CREBBP: variants seen among roughly 807,000 people sequenced by gnomAD.
CREBBP encodes CREB binding lysine acetyltransferase.
In CREBBP, 19 loss-of-function variants were observed where a neutral mutation model predicts 265.0. The ratio of observed to expected loss-of-function variants is 0.07; its 90% CI spans 0.05 to 0.11. CREBBP has a LOEUF of 0.11. Ranked by LOEUF, CREBBP falls within the 10% of genes least tolerant of loss-of-function variation. The probability of loss-of-function intolerance (pLI) is 1.00; values close to 1 mark genes in which losing one functional copy is unlikely to be tolerated. For synonymous variants in CREBBP, 1,457 were observed against 1,223.7 expected, an observed-to-expected ratio of 1.19 and a Z score of -3.98; for missense variants, 2,525 against 3,219.0, an observed-to-expected ratio of 0.78 and a Z score of 5.22.
intron 3 of CREBBP, among the ~76,000 whole-genome samples, chr16:3,810,248 G>C (rs991264231): frequency 8.5e-5 from 13 of 152,138 alleles, no homozygotes; most frequent in Non-Finnish European, 1.3e-4. Flanking sequence ...AAATCAATGG[G>C]CTTCTACTGA....
chr16:3,736,917 G>A (rs956060917), intron 26 of CREBBP, 102 bp from the exon 27 acceptor site: 1 of 1,402,052 alleles, frequency 7.1e-7, no homozygotes, highest in East Asian at 2.3e-5. Context: ...CAGGACAGAA[G>A]TAACCAGAGA....
At chr16:3,761,076 T>G (rs936650378) in intron 16 of CREBBP, among the ~76,000 whole-genome samples, 1 of 152,162 alleles carries the variant, frequency 6.6e-6, no homozygotes, top group Non-Finnish European at 1.5e-5. Flanking sequence ...TGCCTCAGCC[T>G]TCCGAGTAGT....
chr16:3,794,119 A>G (rs531855898), intron 3 of CREBBP, among the ~76,000 whole-genome samples: 48 of 152,078 alleles, frequency 3.2e-4, no homozygotes, highest in African/African-American at 1.1e-3. Flanking sequence ...CGAGGTCAGG[A>G]GATCGGGACC....
rs371316341 is a variant in CREBBP, at chr16:3,774,554, A to C, written c.2283+15T>G. ...AGGGAGGGCTATCTGCAGCACAGCG[A>C]AAGAGAACACTTACCCCTGGCACTG... On this transcript the variant is annotated intron_variant, in intron 12 of 30. Transcript: ENST00000262367. 2.5e-6 allele frequency: 4 copies of C among 1,614,052 alleles called. No homozygotes were observed. The highest frequency in any genetic ancestry group is 3.4e-6 in the Non-Finnish European group (4 of 1,180,032).
At chr16:3,864,954 G>A (rs1475036406) in intron 1 of CREBBP, among the ~76,000 whole-genome samples, 2 of 152,146 alleles carry the variant, frequency 1.3e-5, no homozygotes, top group Admixed American at 6.5e-5. Context: ...GTAATCCCAG[G>A]AGGCTGAGGC....
chr16:3,869,604 G>A (rs1440716898), intron 1 of CREBBP, among the ~76,000 whole-genome samples: 1 of 152,078 alleles, frequency 6.6e-6, no homozygotes, highest in Non-Finnish European at 1.5e-5. Flanking sequence ...CTCAAACCAG[G>A]TAACATTTAA....
At chr16:3,836,630 A>G (rs558953847) in intron 2 of CREBBP, among the ~76,000 whole-genome samples, 22 of 152,180 alleles carry the variant, frequency 1.4e-4, no homozygotes, top group African/African-American at 5.1e-4. Context: ...ATGCTATATA[A>G]ATTACAACTC....
chr16:3,806,573 T>C (rs879609803), intron 3 of CREBBP, among the ~76,000 whole-genome samples: 6 of 152,018 alleles, frequency 3.9e-5, no homozygotes, highest in Non-Finnish European at 7.4e-5. Context: ...GTCTAAGACG[T>C]ATCCCACTTC....
In CREBBP at chr16:3,757,913, G is replaced by A. The variant is rs2151383371; in HGVS notation, c.3505C>T (p.Arg1169Cys). ...AACTTATAGACTCGGGATGTCTTGC[G>A]ATTATAGAGCCAGGCATTGTTGAAC... ...LMFNNAWLYN[R>C]KTSRVYKFCS... is the part of the protein sequence containing the mutation. The change falls in exon 18 of 31, where the codon CGC becomes TGC. Residue 1169 changes from arginine (R) to cysteine (C), a missense_variant. This residue lies in a region of CREBBP where 252 missense variants were observed against 452.5 expected (regional missense o/e 0.56). Transcript: ENST00000262367. 1 of 1,614,050 alleles carries A rather than the reference G, an allele frequency of 6.2e-7. No individual in the cohort carries two copies. Among genetic ancestry groups the A allele is most frequent in the Non-Finnish European group, 8.5e-7 (1 of 1,180,016 alleles).
chr16:3,804,619 TG>T (rs550440870), intron 3 of CREBBP, among the ~76,000 whole-genome samples: 145 of 152,358 alleles, frequency 9.5e-4, no homozygotes, highest in Non-Finnish European at 1.5e-3. Context: ...TGTTGCTTCT[TG>T]CAGGACTACT....
At chr16:3,790,396 C>A (rs567934869) in intron 5 of CREBBP, among the ~76,000 whole-genome samples, 6 of 88,716 alleles carry the variant, frequency 6.8e-5, no homozygotes, top group Non-Finnish European at 6.0e-5. Context: ...TTTTTTGAGA[C>A]GGAGTTTCGC....
intron 15 of CREBBP, 47 bp from the exon 16 acceptor site, chr16:3,767,956 T>C (rs758271543): frequency 5.1e-6 from 8 of 1,581,200 alleles, no homozygotes; most frequent in South Asian, 3.3e-5. Flanking sequence ...AACACCTTTA[T>C]GTTACCGCAA....
intron 3 of CREBBP, among the ~76,000 whole-genome samples, chr16:3,797,827 G>C (rs2053637948): frequency 6.6e-6 from 1 of 151,744 alleles, no homozygotes; most frequent in Non-Finnish European, 1.5e-5. Flanking sequence ...GCTTAAAATG[G>C]AGAAAAAAAT....
At chr16:3,860,122 G>A (rs2055043824) in intron 1 of CREBBP, among the ~76,000 whole-genome samples, 2 of 152,120 alleles carry the variant, frequency 1.3e-5, no homozygotes, top group African/African-American at 4.8e-5. Context: ...CTCGGTGTGT[G>A]TGTGTGGCTG....
rs1025502619 is a variant in CREBBP, at chr16:3,731,113, C to T, written c.5172+79G>A. 33 of 1,482,954 alleles carry T rather than the reference C, an allele frequency of 2.2e-5. No homozygotes were observed. The East Asian group carries it at 2.5e-4, about 11-fold the overall frequency. The allele number at this position is 1,482,954 out of a possible 1,614,324, so 91.9% of individuals were successfully genotyped here. A position where few individuals can be genotyped will look rare whatever the true frequency, so the allele number is the denominator to read the frequency against. On this transcript the variant is annotated intron_variant, in intron 30 of 30. Coordinates refer to ENST00000262367, the MANE Select transcript of CREBBP (RefSeq NM_004380.3). The surrounding 1 kb of genome is among the most constrained non-coding windows in gnomAD (Gnocchi z 7.7). ...CCACCATCAGGTACAGACACCAACC[C>T]GGGCACCCATGCAAAGGGACAGGAT...
chr16:3,759,074 C>T (rs1263958051), intron 16 of CREBBP, 102 bp from the exon 17 acceptor site: 11 of 917,694 alleles, frequency 1.2e-5, no homozygotes, highest in African/African-American at 3.2e-5. Flanking sequence ...ATCCCAGCCA[C>T]GATGCTCCTA....
At chr16:3,759,755 A>G (rs1260951077) in intron 16 of CREBBP, among the ~76,000 whole-genome samples, 1 of 152,184 alleles carries the variant, frequency 6.6e-6, no homozygotes, top group Non-Finnish European at 1.5e-5. Flanking sequence ...AAAAAGTTCC[A>G]TATTGCTTAC....
At chr16:3,832,185 C>T (rs2141416900) in intron 2 of CREBBP, among the ~76,000 whole-genome samples, 1 of 152,152 alleles carries the variant, frequency 6.6e-6, no homozygotes, top group South Asian at 2.1e-4. Flanking sequence ...GTAACTGAAT[C>T]ATAATTTTAA....
At chr16:3,829,204 C>G (rs1342856177) in intron 2 of CREBBP, among the ~76,000 whole-genome samples, 1 of 151,968 alleles carries the variant, frequency 6.6e-6, no homozygotes, top group African/African-American at 2.4e-5. Context: ...AAAAGTTGGT[C>G]CTTGAAGTTA....
Sources: allele counts gnomAD v4.1 joint callset (sites outside exome capture counted in the v4.1 genomes callset), GRCh38; gene constraint gnomAD v4.1.1; regional missense constraint gnomAD v4.1.1; non-coding constraint Gnocchi (gnomAD v3.1); transcripts MANE v1.5; gene names NCBI Gene and HGNC (gene_info 2026-07-23, HGNC 2026-07-21).